STRN: variants seen among roughly 807,000 people sequenced by gnomAD.
STRN encodes striatin.
STRN carries 53 observed loss-of-function variants against 96.3 expected under a neutral mutation model. The ratio of observed to expected loss-of-function variants is 0.55; its 90% CI spans 0.44 to 0.69. The LOEUF (loss-of-function observed/expected upper bound fraction) is 0.69. Ranked by LOEUF, STRN falls within the 30% of genes least tolerant of loss-of-function variation. STRN has a pLI of 0.00. For synonymous variants in STRN, 428 were observed against 355.9 expected (o/e 1.20, Z -2.28); for missense variants, 987 against 963.9 (o/e 1.02, Z -0.32).
At chr2:36,895,719 G>A (rs1355890036) in intron 6 of STRN, among the ~76,000 whole-genome samples, 1 of 146,728 alleles carries the variant, frequency 6.8e-6, no homozygotes, top group African/African-American at 2.5e-5. Context: ...AGACCCTCCT[G>A]CCTAACATGG....
At chr2:36,902,524 A>G (rs1250806623) in intron 5 of STRN, 60 bp downstream of exon 5, 2 of 1,432,522 alleles carry the variant, frequency 1.4e-6, no homozygotes, top group Non-Finnish European at 1.9e-6. Context: ...TGTCCATAAA[A>G]CCAAAAATAT....
intron 1 of STRN, among the ~76,000 whole-genome samples, chr2:36,942,328 T>C (rs13429524): frequency 0.029 from 4,396 of 152,260 alleles, 101 homozygotes; most frequent in African/African-American, 0.068. Flanking sequence ...GCACCAGTCC[T>C]TGACTACCCA....
At chr2:36,854,122 T>A (rs147322688) in intron 15 of STRN, among the ~76,000 whole-genome samples, 2 of 152,316 alleles carry the variant, frequency 1.3e-5, no homozygotes, top group East Asian at 3.9e-4. Flanking sequence ...CTATTTCCAC[T>A]CAGGATGTTC....
At chr2:36,918,959 A>G (rs1670177846) in intron 2 of STRN, among the ~76,000 whole-genome samples, 1 of 152,200 alleles carries the variant, frequency 6.6e-6, no homozygotes, top group African/African-American at 2.4e-5. Context: ...CCCTCCATAA[A>G]TGACCTTTAT....
intron 13 of STRN, 109 bp downstream of exon 13, chr2:36,861,023 T>C: frequency 1.5e-6 from 2 of 1,313,930 alleles, no homozygotes; most frequent in Non-Finnish European, 2.1e-6. Flanking sequence ...TGTGGTTCTC[T>C]TTACCTATTT....
intron 2 of STRN, among the ~76,000 whole-genome samples, chr2:36,923,879 G>T (rs1475122025): frequency 6.6e-6 from 1 of 151,838 alleles, no homozygotes; most frequent in African/African-American, 2.4e-5. Context: ...AAAATCCAAG[G>T]CCCATTCATT....
rs1210752991 is a variant in STRN at position 36,871,773 on chromosome 2, A to C, written c.1324-2044T>G. On this transcript the variant is annotated intron_variant, in intron 10 of 17. Transcript: ENST00000263918. Reference sequence around the variant, plus strand: ...ACTTTACAGACTAGACACATCAGGAAAAGAGAAGTTAAGTGACTTGCCCAA... The same window carrying C: ...ACTTTACAGACTAGACACATCAGGACAAGAGAAGTTAAGTGACTTGCCCAA... Among the ~76,000 whole-genome samples, 7 of 152,338 alleles carry C rather than the reference A, an allele frequency of 4.6e-5. 1 individual carries two copies. The South Asian group carries it at 1.4e-3, about 32-fold the overall frequency.
intron 6 of STRN, among the ~76,000 whole-genome samples, chr2:36,897,135 C>G (rs1669562200): frequency 6.6e-6 from 1 of 151,468 alleles, no homozygotes; most frequent in Non-Finnish European, 1.5e-5. Flanking sequence ...CCACTGCACT[C>G]CAGCCTGGGC....
intron 1 of STRN, among the ~76,000 whole-genome samples, chr2:36,951,546 C>A (rs1372947805): frequency 6.6e-6 from 1 of 152,296 alleles, no homozygotes; most frequent in East Asian, 1.9e-4. Flanking sequence ...TCAAAGATGT[C>A]TGAAACACAG....
rs776600990 is a variant in STRN, at chr2:36,849,553, T to C, written c.2246A>G (p.Lys749Arg). 6.2e-7 allele frequency: 1 copy of C among 1,614,182 alleles called. No individual in the cohort carries two copies. Among genetic ancestry groups the C allele is most frequent in the Non-Finnish European group, 8.5e-7 (1 of 1,180,006 alleles). The change falls in exon 18 of 18, where the codon AAA (lysine) becomes AGA (arginine). Residue 749 changes from lysine (K) to arginine (R), a missense_variant. Coordinates refer to ENST00000263918, the MANE Select transcript of STRN (RefSeq NM_003162.4). ...TCIQEFTAHR[K>R]KFEESIHDVA... is the part of the protein sequence containing the mutation. Reference sequence around the variant, plus strand: ...ATCATGAATCGATTCTTCAAACTTTTTTCGATGAGCTGTGAATTCTTGGAT... The same window carrying C: ...ATCATGAATCGATTCTTCAAACTTTCTTCGATGAGCTGTGAATTCTTGGAT...
In STRN at chr2:36,884,039, T is replaced by G. The variant is rs1262960149; in HGVS notation, c.1079A>C (p.Asn360Thr). ...NRSKLQDMLA[N>T]LRDVDELPSL... ...AGGAAGTTCATCAACATCTCTCAAA[T>G]TAGCAAGCATATCTTGTAGTTTTGA... The change falls in exon 9 of 18, where the codon AAT (asparagine) becomes ACT (threonine). Residue 360 changes from asparagine to threonine, a missense_variant. Coordinates refer to ENST00000263918, the MANE Select transcript of STRN (RefSeq NM_003162.4). The G allele has an allele frequency of 1.4e-6, 2 of 1,420,952 alleles. No individual in the cohort carries two copies. Among genetic ancestry groups the G allele is most frequent in the South Asian group, 3.8e-5 (2 of 52,328 alleles). The allele number at this position is 1,420,952 out of a possible 1,614,324, so 88.0% of individuals were successfully genotyped here.
chr2:36,916,830 C>CTAT (rs1670111788), intron 2 of STRN, among the ~76,000 whole-genome samples: 1 of 152,012 alleles, frequency 6.6e-6, no homozygotes. Context: ...TAGGATTTAA[C>CTAT]CATCTGATTT....
In STRN at chr2:36,925,198, G is replaced by A. The variant is rs1670377572; in HGVS notation, c.245C>T (p.Ala82Val). 6.2e-7 allele frequency: 1 copy of A among 1,613,528 alleles called. No homozygotes were observed. The highest frequency in any genetic ancestry group is 1.1e-5 in the South Asian group (1 of 91,060). ...GCCCTTCCTTTCTCCCTGCAGGAAG[G>A]CAATCTGGGCCTGAGTAGGGGAAAG... ...VERAELQAQI[A>V]FLQGERKGQE... The change falls in exon 2 of 18, where the codon GCC becomes GTC. Residue 82 changes from alanine (A) to valine (V), a missense_variant. Ala to Val is a moderately conservative substitution (Grantham distance 64, BLOSUM62 0). Transcript: ENST00000263918.
chr2:36,894,172 T>C (rs1669479312), intron 6 of STRN, 139 bp from the exon 7 acceptor site: 7 of 968,670 alleles, frequency 7.2e-6, no homozygotes, highest in East Asian at 5.8e-5. Context: ...GAAAATCACA[T>C]AGTTTTAAAA....
intron 2 of STRN, among the ~76,000 whole-genome samples, chr2:36,921,701 T>G (rs3856494): frequency 3.8e-5 from 4 of 104,022 alleles, no homozygotes; most frequent in African/African-American, 1.5e-4. Context: ...AAATTTTTTT[T>G]TTGTTGATGT....
chr2:36,862,994 ATTAT>A (rs1339589376), intron 12 of STRN, among the ~76,000 whole-genome samples: 1 of 152,122 alleles, frequency 6.6e-6, no homozygotes, highest in African/African-American at 2.4e-5. Flanking sequence ...AAGTGCTGGG[ATTAT>A]AAGCGTGAGC....
At position 36,847,449 on chromosome 2, in the gene STRN, T is replaced by C. The variant is rs1015766320; in HGVS notation, c.*2007A>G. 3.3e-5 allele frequency: 5 copies of C among 152,176 alleles called. No homozygotes were observed. The highest frequency in any genetic ancestry group is 1.9e-4 in the East Asian group (1 of 5,204). 9.4% of individuals were successfully genotyped at this position (152,176 alleles called of 1,614,324 possible). On this transcript the variant is annotated 3_prime_UTR_variant, in exon 18 of 18. Coordinates refer to ENST00000263918, the MANE Select transcript of STRN (RefSeq NM_003162.4). Reference sequence around the variant, plus strand: ...TACAAATGTTAGGTTAGAAACATTCTTTCTTCACTGTGAAGAACCAAAAGA... The same window carrying C: ...TACAAATGTTAGGTTAGAAACATTCCTTCTTCACTGTGAAGAACCAAAAGA...
At chr2:36,931,790 T>A (rs1670579987) in intron 1 of STRN, among the ~76,000 whole-genome samples, 2 of 152,244 alleles carry the variant, frequency 1.3e-5, no homozygotes, top group African/African-American at 4.8e-5. Flanking sequence ...AGAGAACTGA[T>A]GTTCAACTTT....
chr2:36,886,899 T>A, intron 7 of STRN, 73 bp from the exon 8 acceptor site: 1 of 1,190,542 alleles, frequency 8.4e-7, no homozygotes, highest in Non-Finnish European at 1.2e-6. Context: ...TATGTCTGAA[T>A]GACGTAACAA....
Sources: gnomAD v4.1 joint callset for allele counts (sites outside exome capture counted in the v4.1 genomes callset) on GRCh38, gnomAD v4.1.1 for gene constraint, MANE v1.5 for transcripts, NCBI Gene and HGNC (gene_info 2026-07-23, HGNC 2026-07-21) for gene names.